The following RALYL variants were observed in gnomAD, a reference collection of about 807,000 sequenced individuals.
The protein encoded by RALYL is RALY RNA binding protein like.
RALYL carries 29 observed loss-of-function variants against 35.1 expected under a neutral mutation model. The ratio of observed to expected loss-of-function variants is 0.83; its 90% CI spans 0.61 to 1.13. RALYL has a LOEUF of 1.13. Among genes scored for constraint, RALYL ranks in the 50% most tolerant of loss-of-function variants. RALYL has a pLI of 0.00. For missense variants in RALYL, 359 were observed against 360.4 expected, an observed-to-expected ratio of 1.00 and a Z score of 0.03; for synonymous variants, 120 against 127.6, an observed-to-expected ratio of 0.94 and a Z score of 0.40.
intron 1 of RALYL, among the ~76,000 whole-genome samples, chr8:84,456,099 A>G (rs911245594): frequency 6.6e-6 from 1 of 152,028 alleles, no homozygotes; most frequent in Non-Finnish European, 1.5e-5. Context: ...GTACACAATT[A>G]TAAAATGTAG....
chr8:84,395,040 G>C (rs960967791), intron 1 of RALYL, among the ~76,000 whole-genome samples: 39 of 151,550 alleles, frequency 2.6e-4, no homozygotes, highest in African/African-American at 8.5e-4. Context: ...AAACATTTAG[G>C]AACAACAAAA....
chr8:84,417,472 T>C (rs2044850408), intron 1 of RALYL, among the ~76,000 whole-genome samples: 1 of 151,970 alleles, frequency 6.6e-6, no homozygotes, highest in Admixed American at 6.6e-5. Context: ...GGGTTGCAAC[T>C]AAATTTGGGA....
At chr8:84,370,542 T>A (rs1015458889) in intron 1 of RALYL, among the ~76,000 whole-genome samples, 2 of 151,784 alleles carry the variant, frequency 1.3e-5, no homozygotes, top group Admixed American at 1.3e-4. Flanking sequence ...ATATGATATG[T>A]TCAGTAAAAT....
intron 1 of RALYL, among the ~76,000 whole-genome samples, chr8:84,337,681 T>C (rs1276975217): frequency 1.3e-5 from 2 of 152,142 alleles, no homozygotes. Flanking sequence ...GCAGTCATTT[T>C]TGATGTGGAA....
At chr8:84,475,914 A>G (rs1587635770) in intron 1 of RALYL, among the ~76,000 whole-genome samples, 1 of 152,340 alleles carries the variant, frequency 6.6e-6, no homozygotes, top group South Asian at 2.1e-4. Flanking sequence ...AAGTTTTTAA[A>G]TTTGGCATTA....
chr8:84,366,763 CAAAAAAAAAAAA>C lies in RALYL; in HGVS notation c.-23-162519_-23-162508del, dbSNP rs1166208925. 6.4e-4 allele frequency among the ~76,000 whole-genome samples: 36 copies of C among 56,678 alleles called. 1 individual carries two copies. The East Asian group carries it at 0.01, about 16-fold the overall frequency. 37.2% of individuals were successfully genotyped at this position (56,678 alleles called of 152,430 possible). On this transcript the variant is annotated intron_variant, in intron 1 of 8. Coordinates refer to ENST00000521268, the MANE Select transcript of RALYL (RefSeq NM_173848.7). ...TGGAGGCAGAGTGAGATTTTTGTCT[CAAAAAAAAAAAA>C]AAAAAAAAAAAAAAAAGGGTATCCT...
chr8:84,470,754 T>C (rs1387548205), intron 1 of RALYL, among the ~76,000 whole-genome samples: 1 of 152,174 alleles, frequency 6.6e-6, no homozygotes, highest in African/African-American at 2.4e-5. Context: ...CCTCTTTAAA[T>C]CTGAAAGTTA....
intron 1 of RALYL, among the ~76,000 whole-genome samples, chr8:84,431,645 G>C (rs556088793): frequency 9.9e-5 from 15 of 152,094 alleles, no homozygotes; most frequent in Non-Finnish European, 2.1e-4. Flanking sequence ...GTGAGATCAT[G>C]CAGAATTTGT....
chr8:84,513,772 T>C (rs2057816018), intron 1 of RALYL, among the ~76,000 whole-genome samples: 1 of 152,040 alleles, frequency 6.6e-6, no homozygotes, highest in Non-Finnish European at 1.5e-5. Context: ...AATGAAATGG[T>C]ACCTATAAAT....
At chr8:84,405,224 G>A (rs2043347483) in intron 1 of RALYL, among the ~76,000 whole-genome samples, 1 of 152,156 alleles carries the variant, frequency 6.6e-6, no homozygotes. Flanking sequence ...AGTGTTTAGA[G>A]GGAAATTTAT....
At chr8:84,619,021 G>A (rs1820574499) in intron 2 of RALYL, among the ~76,000 whole-genome samples, 1 of 148,268 alleles carries the variant, frequency 6.7e-6, no homozygotes, top group African/African-American at 2.5e-5. Context: ...CAAGTATGTG[G>A]TCAATTTTGG....
chr8:84,429,148 A>G (rs1042714668), intron 1 of RALYL, among the ~76,000 whole-genome samples: 3 of 152,190 alleles, frequency 2.0e-5, no homozygotes, highest in African/African-American at 4.8e-5. Flanking sequence ...AGCATATTCT[A>G]TGGCTTAATG....
intron 2 of RALYL, among the ~76,000 whole-genome samples, chr8:84,644,770 G>A (rs1210412824): frequency 1.4e-5 from 2 of 142,598 alleles, no homozygotes; most frequent in Non-Finnish European, 3.1e-5. Context: ...TTATTTTTTT[G>A]AGACAGAGTC....
chr8:84,217,948 C>T (rs945269486), intron 1 of RALYL, among the ~76,000 whole-genome samples: 1 of 152,054 alleles, frequency 6.6e-6, no homozygotes, highest in Non-Finnish European at 1.5e-5. Flanking sequence ...TTAACATATC[C>T]TCTACCTCAC....
chr8:84,775,066 C>CA (rs1253447212), intron 3 of RALYL, among the ~76,000 whole-genome samples: 35 of 152,186 alleles, frequency 2.3e-4, no homozygotes, highest in African/African-American at 2.4e-5. Flanking sequence ...TCTCCTGCCT[C>CA]AGCCTCCCGA....
chr8:84,203,213 G>A (rs1472542478), intron 1 of RALYL, among the ~76,000 whole-genome samples: 1 of 152,038 alleles, frequency 6.6e-6, no homozygotes, highest in South Asian at 2.1e-4. Context: ...TTTGAGTCCT[G>A]CAGAGTTGCC....
At chr8:84,523,978 A>G (rs1007933480) in intron 1 of RALYL, among the ~76,000 whole-genome samples, 33 of 152,116 alleles carry the variant, frequency 2.2e-4, no homozygotes, top group Middle Eastern at 3.4e-3. Flanking sequence ...ATAAACATAC[A>G]TGTGCATGTG....
At chr8:84,418,425 T>C (rs563104375) in intron 1 of RALYL, among the ~76,000 whole-genome samples, 388 of 152,226 alleles carry the variant, frequency 2.5e-3, no homozygotes, top group Non-Finnish European at 4.7e-3. Flanking sequence ...ACAATTTAAT[T>C]AGCATGATGT....
chr8:84,213,680 A>G (rs921640498), intron 1 of RALYL, among the ~76,000 whole-genome samples: 1 of 152,230 alleles, frequency 6.6e-6, no homozygotes, highest in African/African-American at 2.4e-5. Context: ...TATGTGTTAC[A>G]TAAATCCCAC....
Sources: gnomAD v4.1 joint callset for allele counts (sites outside exome capture counted in the v4.1 genomes callset) on GRCh38, gnomAD v4.1.1 for gene constraint, MANE v1.5 for transcripts, NCBI Gene and HGNC (gene_info 2026-07-23, HGNC 2026-07-21) for gene names.